Variants in FAM149B1 observed in about 807,000 individuals in gnomAD.
The protein encoded by FAM149B1 is family with sequence similarity 149 member B1, also known as primary cilium assembly protein FAM149B1.
In FAM149B1, 56 loss-of-function variants were observed where a neutral mutation model predicts 75.3. That is an observed-to-expected ratio of 0.74 (90% CI 0.60 to 0.93). The LOEUF (loss-of-function observed/expected upper bound fraction) is 0.93, where lower values mean the gene tolerates loss of function less well. FAM149B1 is among the 40% of genes least tolerant of loss of function. The probability of loss-of-function intolerance (pLI) is 0.00; values close to 1 mark genes in which losing one functional copy is unlikely to be tolerated. For synonymous variants in FAM149B1, 259 were observed against 256.1 expected, an observed-to-expected ratio of 1.01 and a Z score of -0.11; for missense variants, 639 against 708.4, an observed-to-expected ratio of 0.90 and a Z score of 1.11.
Position 73,235,210 on chromosome 10 carries a change from T to C in FAM149B1, c.1494T>C (p.Ser498=). ...PQRQMKPHGD[S]SRAQSAVVDE... ...CTCTGCAGAAACCCCATGGCGACTC[T>C]AGTCGAGCTCAAAGTGCGGTGGTGG... The change falls in exon 12 of 14, where the codon TCT becomes TCC. Residue 498 remains serine (S), a synonymous_variant. Transcript: ENST00000242505. 6.4e-7 allele frequency: 1 copy of C among 1,551,736 alleles called. No homozygotes were observed. Among genetic ancestry groups the C allele is most frequent in the South Asian group, 1.2e-5 (1 of 84,060 alleles).
chr10:73,227,525 T>C (rs575740206), intron 7 of FAM149B1, among the ~76,000 whole-genome samples: 21 of 152,364 alleles, frequency 1.4e-4, no homozygotes, highest in Middle Eastern at 3.4e-3. Context: ...TTTTTCAAGA[T>C]GCCTTGTTTC....
At chr10:73,191,136 G>T (rs1419580214) in intron 3 of FAM149B1, among the ~76,000 whole-genome samples, 1 of 152,082 alleles carries the variant, frequency 6.6e-6, no homozygotes, top group East Asian at 1.9e-4. Context: ...CGCCTCCCGG[G>T]TTCAAGAGAT....
chr10:73,204,395 G>T (rs1351074236), intron 5 of FAM149B1, among the ~76,000 whole-genome samples: 1 of 152,056 alleles, frequency 6.6e-6, no homozygotes, highest in African/African-American at 2.4e-5. Context: ...AAAGTGCTGG[G>T]ATTACAGGCA....
In FAM149B1 at chr10:73,239,779, CTGCTT is replaced by C. The variant is rs201056212; in HGVS notation, c.1675+398_1675+402del. ...AAAATCCATATTCCTATGGATTAAACTGCTTTGATCAGTTAATCTGTTAGGCCAAG... is the reference window on the plus strand; with the variant it reads ...AAAATCCATATTCCTATGGATTAAACTGATCAGTTAATCTGTTAGGCCAAG... On this transcript the variant is annotated intron_variant, in intron 13 of 13. Coordinates refer to ENST00000242505, the MANE Select transcript of FAM149B1 (RefSeq NM_173348.2). 6.7e-3 allele frequency among the ~76,000 whole-genome samples: 1,016 copies of C among 152,064 alleles called. 12 individuals carry two copies. Among genetic ancestry groups the C allele is most frequent in the African/African-American group, 0.024 (980 of 41,456 alleles).
At chr10:73,232,817 T>A in intron 9 of FAM149B1, 122 bp from the exon 10 acceptor site, 1 of 634,246 alleles carries the variant, frequency 1.6e-6, no homozygotes, top group South Asian at 1.9e-5. Context: ...TTGAAAGGTT[T>A]TTATTTTTGC....
chr10:73,176,785 G>A (rs987978742), intron 2 of FAM149B1, among the ~76,000 whole-genome samples: 1 of 152,150 alleles, frequency 6.6e-6, no homozygotes, highest in African/African-American at 2.4e-5. Flanking sequence ...CCAGCACTTT[G>A]GGAGGCCGAT....
intron 7 of FAM149B1, among the ~76,000 whole-genome samples, chr10:73,219,574 G>T (rs2043364331): frequency 1.3e-5 from 2 of 152,178 alleles, no homozygotes; most frequent in African/African-American, 4.8e-5. Context: ...TAGATCAATG[G>T]AATAGAATCA....
intron 5 of FAM149B1, among the ~76,000 whole-genome samples, chr10:73,194,394 A>T (rs1008424622): frequency 1.3e-5 from 2 of 152,040 alleles, no homozygotes; most frequent in African/African-American, 2.4e-5. Flanking sequence ...TTTATTTTTT[A>T]TTTATTTATT....
intron 1 of FAM149B1, among the ~76,000 whole-genome samples, chr10:73,174,292 G>A (rs1843843435): frequency 6.6e-6 from 1 of 152,132 alleles, no homozygotes; most frequent in South Asian, 2.1e-4. Flanking sequence ...CAATGTATGA[G>A]ACATCCGGTT....
chr10:73,222,029 A>C (rs936320725), intron 7 of FAM149B1, among the ~76,000 whole-genome samples: 2 of 152,178 alleles, frequency 1.3e-5, no homozygotes, highest in African/African-American at 2.4e-5. Flanking sequence ...AATGTGGAAT[A>C]ATTTGAATAT....
chr10:73,225,718 C>T (rs1390260059), intron 7 of FAM149B1, among the ~76,000 whole-genome samples: 1 of 152,218 alleles, frequency 6.6e-6, no homozygotes, highest in African/African-American at 2.4e-5. Flanking sequence ...CTCAGTGACT[C>T]ACTCAGAGCA....
intron 9 of FAM149B1, 49 bp downstream of exon 9, chr10:73,230,574 G>A (rs1441802106): frequency 2.8e-6 from 3 of 1,084,750 alleles, no homozygotes; most frequent in African/African-American, 3.1e-5. Flanking sequence ...GGGAAACAGA[G>A]GGAAAGCAAA....
At chr10:73,219,062 T>C (rs1348802829) in intron 7 of FAM149B1, among the ~76,000 whole-genome samples, 2 of 152,204 alleles carry the variant, frequency 1.3e-5, no homozygotes, top group Admixed American at 1.3e-4. Flanking sequence ...TCTCAGTCTG[T>C]TCAGGGCAAT....
intron 3 of FAM149B1, among the ~76,000 whole-genome samples, chr10:73,189,964 ATTAAC>A (rs1415579191): frequency 6.6e-6 from 1 of 152,260 alleles, no homozygotes; most frequent in Non-Finnish European, 1.5e-5. Context: ...AGGTAAAGAT[ATTAAC>A]TTAAGAACAG....
At chr10:73,224,029 ATTATT>A (rs2043477247) in intron 7 of FAM149B1, among the ~76,000 whole-genome samples, 2 of 152,216 alleles carry the variant, frequency 1.3e-5, no homozygotes, top group African/African-American at 2.4e-5. Flanking sequence ...ATAAATTAAG[ATTATT>A]TTATTGTATT....
At chr10:73,209,736 T>C (rs1279292510) in intron 6 of FAM149B1, among the ~76,000 whole-genome samples, 1 of 152,248 alleles carries the variant, frequency 6.6e-6, no homozygotes, top group Non-Finnish European at 1.5e-5. Flanking sequence ...GACATTAACC[T>C]GTTAAACTAT....
chr10:73,193,206 G>C (rs1023904185), intron 4 of FAM149B1, among the ~76,000 whole-genome samples: 1 of 152,068 alleles, frequency 6.6e-6, no homozygotes, highest in Non-Finnish European at 1.5e-5. Flanking sequence ...GACTATTATA[G>C]AGCATGAAGG....
At chr10:73,237,449 C>T (rs1408923599) in intron 12 of FAM149B1, among the ~76,000 whole-genome samples, 1 of 151,648 alleles carries the variant, frequency 6.6e-6, no homozygotes, top group Non-Finnish European at 1.5e-5. Context: ...CGGAGTCTTA[C>T]TCTGTCGCCC....
chr10:73,217,704 A>G (rs1422240103), intron 7 of FAM149B1, among the ~76,000 whole-genome samples: 1 of 152,226 alleles, frequency 6.6e-6, no homozygotes, highest in African/African-American at 2.4e-5. Flanking sequence ...CATGGGAATG[A>G]CATCCCATTA....
Sources: gnomAD v4.1 joint callset for allele counts (sites outside exome capture counted in the v4.1 genomes callset) on GRCh38, gnomAD v4.1.1 for gene constraint, MANE v1.5 for transcripts, NCBI Gene and HGNC (gene_info 2026-07-23, HGNC 2026-07-21) for gene names.